LRRC71: variants seen among roughly 807,000 people sequenced by gnomAD.
The protein encoded by LRRC71 is leucine rich repeat containing 71.
Under a neutral mutation model 66.6 loss-of-function variants are expected in LRRC71, and 54 were observed. The observed-to-expected ratio is 0.81, with a 90% CI of 0.65 to 1.02. The LOEUF (loss-of-function observed/expected upper bound fraction) is 1.02. Among genes scored for constraint, LRRC71 ranks in the 50% least tolerant of loss-of-function variants. The probability of loss-of-function intolerance (pLI) is 0.00; values close to 1 mark genes in which losing one functional copy is unlikely to be tolerated. For missense variants in LRRC71, 724 were observed against 718.0 expected (o/e 1.01, Z -0.10); for synonymous variants, 323 against 303.9 (o/e 1.06, Z -0.65).
chr1:156,933,202 T>G, downstream of LRRC71: 1 of 482,590 alleles, frequency 2.1e-6, no homozygotes, highest in Non-Finnish European at 3.7e-6. Context: ...ACAGTTCCGC[T>G]GGGGATGATC....
At chr1:156,937,413 G>GTA, downstream of LRRC71, 3 of 1,587,222 alleles carry the variant, frequency 1.9e-6, no homozygotes, top group Non-Finnish European at 2.6e-6. Context: ...AGGCTGTCAG[G>GTA]CTGAGGGGGG....
At chr1:156,933,171 G>A, downstream of LRRC71, 1 of 527,950 alleles carries the variant, frequency 1.9e-6, no homozygotes, top group East Asian at 3.1e-5. Context: ...TGCCAGGAAT[G>A]GCAGAAAAGT....
chr1:156,937,534 C>G (rs762733579), downstream of LRRC71: 3 of 1,502,540 alleles, frequency 2.0e-6, no homozygotes, highest in Non-Finnish European at 2.7e-6. Flanking sequence ...AGGAGGCAAA[C>G]AGAGAAGTCG....
chr1:156,938,502 C>T, the LRRC71 span: 1 of 1,613,206 alleles, frequency 6.2e-7, no homozygotes, highest in South Asian at 1.1e-5. Flanking sequence ...ACCTTGCTGC[C>T]TGCCACCTCA....
At chr1:156,931,657 C>G (rs564391673) in intron 12 of LRRC71, among the ~76,000 whole-genome samples, 1 of 152,256 alleles carries the variant, frequency 6.6e-6, no homozygotes, top group East Asian at 1.9e-4. Context: ...CTGGCCTGGC[C>G]TTTTCCGTGC....
At chr1:156,921,005 CGT>C in intron 1 of LRRC71, 42 bp downstream of exon 1, 1 of 1,459,304 alleles carries the variant, frequency 6.9e-7, no homozygotes, top group Non-Finnish European at 9.1e-7. Flanking sequence ...TTCCAGGCTG[CGT>C]CTTCCCGGGT....
At chr1:156,938,390 T>C in the LRRC71 span, 5 of 1,606,244 alleles carry the variant, frequency 3.1e-6, no homozygotes, top group Non-Finnish European at 4.3e-6. Context: ...TCTTGGCCTG[T>C]CTTTAGCTCC....
chr1:156,925,131 C>A, intron 5 of LRRC71, 116 bp downstream of exon 5: 1 of 943,858 alleles, frequency 1.1e-6, no homozygotes, highest in Non-Finnish European at 1.6e-6. Context: ...TGCCTGGCAT[C>A]CCTGTGGAAG....
rs1464715296 is a variant in LRRC71, at chr1:156,929,417, G to A, written c.1134G>A (p.Lys378=). 1 of 1,613,894 alleles carries A rather than the reference G, an allele frequency of 6.2e-7. No homozygotes were observed. The highest frequency in any genetic ancestry group is 8.5e-7 in the Non-Finnish European group (1 of 1,179,868). Residue 378 remains lysine, a synonymous_variant, in exon 10 of 15, where the codon AAG becomes AAA. Transcript: ENST00000337428. ...CCCCTAAGGGCCTGGGCAAGAAAAAGGAGAAATCATGGGTAGGTGTGCAAT... is the reference window on the plus strand; with the variant it reads ...CCCCTAAGGGCCTGGGCAAGAAAAAAGAGAAATCATGGGTAGGTGTGCAAT... ...MKTPKGLGKK[K]EKSWELAKKE...
the LRRC71 span, chr1:156,938,474 T>C: frequency 1.9e-6 from 3 of 1,613,700 alleles, no homozygotes; most frequent in African/African-American, 2.7e-5. Context: ...CTGGCCACTC[T>C]CTGGTAGTGC....
At position 156,927,608 on chromosome 1, in the gene LRRC71, C is replaced by T; in HGVS notation, c.775C>T (p.Leu259=). The T allele has an allele frequency of 3.1e-6, 5 of 1,602,356 alleles. No homozygotes were observed. In the South Asian group the frequency reaches 5.6e-5, roughly 18 times the overall value. The change falls in exon 7 of 15, where the codon CTG becomes TTG. Residue 259 remains leucine (L), a synonymous_variant. Transcript: ENST00000337428. ...SCNRTLVSLN[L]GFNHIGDEGA... The stretch of plus-strand genomic sequence containing the variant: ...CAACCGGACCCTCGTCTCGCTCAAC[C>T]TGGGTTTCAACCACATCGGTGACGA...
At chr1:156,938,567 G>A in the LRRC71 span, 4 of 1,558,094 alleles carry the variant, frequency 2.6e-6, no homozygotes, top group Non-Finnish European at 3.5e-6. Context: ...ACAAGGAAAG[G>A]GAAGGGAGAG....
intron 12 of LRRC71, among the ~76,000 whole-genome samples, chr1:156,931,137 G>A (rs777819357): frequency 6.6e-6 from 1 of 152,054 alleles, no homozygotes; most frequent in East Asian, 1.9e-4. Flanking sequence ...TTACAACCTG[G>A]ACCAACTTGC....
intron 13 of LRRC71, 194 bp downstream of exon 13, chr1:156,932,221 C>T (rs1002747158): frequency 1.2e-5 from 8 of 659,858 alleles, no homozygotes; most frequent in East Asian, 2.7e-5. Flanking sequence ...TGAGGACAGG[C>T]GATTGGAGTA....
chr1:156,922,704 A>T (rs565004462), intron 1 of LRRC71, among the ~76,000 whole-genome samples: 15 of 152,294 alleles, frequency 9.8e-5, no homozygotes, highest in African/African-American at 3.4e-4. Flanking sequence ...TGGACCAGCA[A>T]CTTCAGCATC....
intron 4 of LRRC71, 67 bp downstream of exon 4, chr1:156,924,785 A>G: frequency 6.5e-7 from 1 of 1,529,450 alleles, no homozygotes; most frequent in Non-Finnish European, 8.9e-7. Context: ...GGCTTGGGAG[A>G]GAGAACCAAG....
At chr1:156,930,103 T>TC (rs1000294787) in intron 11 of LRRC71, among the ~76,000 whole-genome samples, 1 of 142,986 alleles carries the variant, frequency 7.0e-6, no homozygotes, top group Non-Finnish European at 1.5e-5. Flanking sequence ...CTCTCTCTTT[T>TC]TTTTTTTTTG....
At chr1:156,936,489 A>ATATAT (rs1235714151), downstream of LRRC71, among the ~76,000 whole-genome samples, 2 of 77,142 alleles carry the variant, frequency 2.6e-5, no homozygotes, top group African/African-American at 1.2e-4. Context: ...AGAAAAAAAA[A>ATATAT]AAAAAAAAAT....
chr1:156,932,589 T>C (rs751634357), intron 14 of LRRC71, 44 bp downstream of exon 14: 1 of 1,613,962 alleles, frequency 6.2e-7, no homozygotes, highest in South Asian at 1.1e-5. Flanking sequence ...ACGTTGCCCC[T>C]ATCAGCTGTC....
Sources: gnomAD v4.1 joint callset for allele counts (sites outside exome capture counted in the v4.1 genomes callset) on GRCh38, gnomAD v4.1.1 for gene constraint, MANE v1.5 for transcripts, NCBI Gene and HGNC (gene_info 2026-07-23, HGNC 2026-07-21) for gene names.